The following PCDHA6 variants were observed in gnomAD, a reference collection of about 807,000 sequenced individuals.
PCDHA6 encodes the protein protocadherin alpha 6.
A neutral mutation model predicts 60.3 loss-of-function variants in PCDHA6; 55 were observed. The observed-to-expected ratio is 0.91, with a 90% CI of 0.73 to 1.14. PCDHA6 has a LOEUF of 1.14. Ranked by LOEUF, PCDHA6 falls within the 50% of genes most tolerant of loss-of-function variation. The pLI is 0.00. For synonymous variants in PCDHA6, 652 were observed against 557.9 expected (o/e 1.17, Z -2.38); for missense variants, 1,327 against 1,256.5 (o/e 1.06, Z -0.85).
intron 1 of PCDHA6, chr5:140,836,144 G>A (rs2150253955): frequency 1.5e-5 from 25 of 1,613,780 alleles, no homozygotes; most frequent in Non-Finnish European, 2.1e-5. Context: ...CTGTGGGCGC[G>A]GGCCATGTGG....
intron 3 of PCDHA6, among the ~76,000 whole-genome samples, chr5:140,998,727 G>T (rs2097831761): frequency 6.6e-6 from 1 of 152,076 alleles, no homozygotes; most frequent in African/African-American, 2.4e-5. Flanking sequence ...ACCACGCTAG[G>T]CTAATTTTGT....
chr5:140,990,694 C>T (rs549554926), intron 3 of PCDHA6, among the ~76,000 whole-genome samples: 10 of 152,108 alleles, frequency 6.6e-5, no homozygotes, highest in Non-Finnish European at 1.5e-4. Context: ...TCGGAGAGTC[C>T]AGATTTATGG....
chr5:140,927,493 C>G, intron 1 of PCDHA6: 1 of 1,614,144 alleles, frequency 6.2e-7, no homozygotes. Flanking sequence ...CACCCACCTG[C>G]TGGTGCTTAC....
chr5:140,843,294 C>T lies in PCDHA6; in HGVS notation c.2394+12809C>T, dbSNP rs2150356676. 4 of 1,595,870 alleles carry T rather than the reference C, an allele frequency of 2.5e-6. No homozygotes were observed. Among genetic ancestry groups the T allele is most frequent in the East Asian group, 4.5e-5 (2 of 44,826 alleles). ...CTGGTGAAGGATCATGGTGAACCTG[C>T]GCTGACCGCCACGGCCACGGTTCTG... On this transcript the variant is annotated intron_variant, in intron 1 of 3. Transcript: ENST00000529310.
chr5:140,856,036 A>T (rs1554148102), intron 1 of PCDHA6: 1 of 1,567,408 alleles, frequency 6.4e-7, no homozygotes, highest in African/African-American at 1.4e-5. Context: ...TTGTAAAACA[A>T]GAGAAGGATA....
intron 3 of PCDHA6, among the ~76,000 whole-genome samples, chr5:140,988,308 G>A (rs75602297): frequency 6.6e-6 from 1 of 152,298 alleles, no homozygotes; most frequent in East Asian, 1.9e-4. Flanking sequence ...TGCCAGCTTG[G>A]CTTGGCTTTC....
At chr5:140,839,172 A>T (rs1216545013) in intron 1 of PCDHA6, among the ~76,000 whole-genome samples, 5 of 150,756 alleles carry the variant, frequency 3.3e-5, no homozygotes, top group African/African-American at 7.4e-5. Context: ...AAAGATATTC[A>T]GTTTTGTGGA....
intron 1 of PCDHA6, among the ~76,000 whole-genome samples, chr5:140,976,117 G>C (rs782098917): frequency 5.4e-4 from 82 of 152,208 alleles, no homozygotes; most frequent in Admixed American, 1.4e-3. Flanking sequence ...ATTTTTCCAA[G>C]TTTAATCAAG....
chr5:140,866,561 T>C (rs2049423335), intron 1 of PCDHA6: 1 of 152,136 alleles, frequency 6.6e-6, no homozygotes, highest in Non-Finnish European at 1.5e-5. Context: ...TCCTATAATT[T>C]TGTTAATACA....
intron 1 of PCDHA6, among the ~76,000 whole-genome samples, chr5:140,961,237 G>A (rs1170465013): frequency 1.3e-5 from 2 of 152,136 alleles, no homozygotes; most frequent in African/African-American, 4.8e-5. Context: ...AAAAGGTGAT[G>A]GAATTTATCC....
intron 1 of PCDHA6, chr5:140,836,498 C>A: frequency 1.2e-6 from 2 of 1,613,896 alleles, no homozygotes; most frequent in Non-Finnish European, 1.7e-6. Context: ...TCGCCATCTG[C>A]GCGGTGTCCA....
intron 1 of PCDHA6, among the ~76,000 whole-genome samples, chr5:140,838,622 A>G (rs1163136173): frequency 6.6e-6 from 1 of 152,030 alleles, no homozygotes; most frequent in Non-Finnish European, 1.5e-5. Flanking sequence ...AATTTTTTAC[A>G]AATAATTTGG....
rs370640529 is a variant in PCDHA6, at chr5:140,968,552, C to G, written c.2395-10397C>G. 5 of 1,614,184 alleles carry G rather than the reference C, an allele frequency of 3.1e-6. No homozygotes were observed. The East Asian group carries it at 1.1e-4, about 36-fold the overall frequency. ...GTCAGCAGCCTTCGAGATGGTGCCT[C>G]GAACTGCCCCTGCTGGCTACCTGGT... On this transcript the variant is annotated intron_variant, in intron 1 of 3. Coordinates refer to ENST00000529310, the MANE Select transcript of PCDHA6 (RefSeq NM_018909.4).
chr5:140,978,702 T>G (rs1200035752), intron 1 of PCDHA6, among the ~76,000 whole-genome samples: 2 of 152,252 alleles, frequency 1.3e-5, no homozygotes, highest in Non-Finnish European at 2.9e-5. Context: ...AAGCCAAAGG[T>G]GGCCTTTACA....
At position 140,875,445 on chromosome 5, in the gene PCDHA6, C is replaced by G; in HGVS notation, c.2394+44960C>G. The G allele has an allele frequency of 2.5e-6, 4 of 1,582,278 alleles. No individual in the cohort carries two copies. The South Asian group carries it at 3.5e-5, about 14-fold the overall frequency. On this transcript the variant is annotated intron_variant, in intron 1 of 3. Transcript: ENST00000529310. Reference sequence around the variant, plus strand: ...CAAGCGATCCCTTAAAACTGATTGTCCCAACTCAGAGGCCCTCATTTTCTG... The same window carrying G: ...CAAGCGATCCCTTAAAACTGATTGTGCCAACTCAGAGGCCCTCATTTTCTG...
At chr5:140,985,000 C>T (rs1237251178) in intron 3 of PCDHA6, among the ~76,000 whole-genome samples, 5 of 151,948 alleles carry the variant, frequency 3.3e-5, no homozygotes, top group Non-Finnish European at 7.4e-5. Context: ...TCCAGTGGCA[C>T]GATATCGGCT....
At chr5:141,001,959 C>T (rs755695273) in intron 3 of PCDHA6, among the ~76,000 whole-genome samples, 8 of 152,098 alleles carry the variant, frequency 5.3e-5, no homozygotes, top group Admixed American at 3.9e-4. Context: ...GAGGGAGAGG[C>T]GGGGTGTCTC....
In PCDHA6 at chr5:140,857,497, G is replaced by A. The variant is rs1473016176; in HGVS notation, c.2394+27012G>A. On this transcript the variant is annotated intron_variant, in intron 1 of 3. Coordinates refer to ENST00000529310, the MANE Select transcript of PCDHA6 (RefSeq NM_018909.4). ...CGGTGTCTGCGTGGGACGCGGACGCGCAGGAGAACGCCCTGGTGTCCTACT... is the reference window on the plus strand; with the variant it reads ...CGGTGTCTGCGTGGGACGCGGACGCACAGGAGAACGCCCTGGTGTCCTACT... 10 of 1,598,262 alleles carry A rather than the reference G, an allele frequency of 6.3e-6. 1 individual carries two copies. Among genetic ancestry groups the A allele is most frequent in the Non-Finnish European group, 8.6e-6 (10 of 1,167,792 alleles).
At chr5:140,900,079 C>T (rs1289822790) in intron 1 of PCDHA6, among the ~76,000 whole-genome samples, 11 of 152,066 alleles carry the variant, frequency 7.2e-5, no homozygotes, top group East Asian at 3.9e-4. Context: ...AAAAGTGCTG[C>T]AGTTACAAGC....
Sources: allele counts gnomAD v4.1 joint callset (sites outside exome capture counted in the v4.1 genomes callset), GRCh38; gene constraint gnomAD v4.1.1; transcripts MANE v1.5; gene names NCBI Gene and HGNC (gene_info 2026-07-23, HGNC 2026-07-21).